EHBP1: variants seen among roughly 807,000 people sequenced by gnomAD.
The protein encoded by EHBP1 is EH domain-binding protein 1.
A neutral mutation model predicts 144.0 loss-of-function variants in EHBP1; 55 were observed. The ratio of observed to expected loss-of-function variants is 0.38; its 90% CI spans 0.31 to 0.48. The LOEUF (loss-of-function observed/expected upper bound fraction) is 0.48. Among genes scored for constraint, EHBP1 ranks in the 20% least tolerant of loss-of-function variants. The probability of loss-of-function intolerance (pLI) is 0.98; values close to 1 mark genes in which losing one functional copy is unlikely to be tolerated. For synonymous variants in EHBP1, 469 were observed against 472.7 expected (o/e 0.99, Z 0.10); for missense variants, 1,200 against 1,364.2 (o/e 0.88, Z 1.90).
chr2:62,765,338 G>T (rs146776426), intron 4 of EHBP1, among the ~76,000 whole-genome samples: 2 of 152,142 alleles, frequency 1.3e-5, no homozygotes, highest in African/African-American at 4.8e-5. Context: ...CATTATCTGT[G>T]CTTTAAAACG....
At chr2:62,957,641 C>CTTTTTTT (rs1157397512) in intron 14 of EHBP1, among the ~76,000 whole-genome samples, 2,179 of 87,188 alleles carry the variant, frequency 0.025, 244 homozygotes, top group Middle Eastern at 0.057. Context: ...AAAATAAATG[C>CTTTTTTT]TTTTTTTTTT....
intron 5 of EHBP1, among the ~76,000 whole-genome samples, chr2:62,795,517 G>GC (rs2043475116): frequency 6.6e-6 from 1 of 151,748 alleles, no homozygotes; most frequent in Non-Finnish European, 1.5e-5. Context: ...GGTTCTTAAG[G>GC]CATCAGTACA....
chr2:62,749,635 T>A (rs1044611879), intron 3 of EHBP1, among the ~76,000 whole-genome samples: 12 of 152,356 alleles, frequency 7.9e-5, no homozygotes, highest in African/African-American at 2.6e-4. Flanking sequence ...CTCCACATCC[T>A]CTCCAGCACC....
intron 5 of EHBP1, among the ~76,000 whole-genome samples, chr2:62,788,276 C>T (rs1277085245): frequency 6.6e-6 from 1 of 151,768 alleles, no homozygotes; most frequent in Non-Finnish European, 1.5e-5. Flanking sequence ...TGTATGTTTT[C>T]TCTTATTTAA....
At chr2:62,675,423 T>C (rs1296191107) in intron 1 of EHBP1, among the ~76,000 whole-genome samples, 3 of 151,974 alleles carry the variant, frequency 2.0e-5, no homozygotes, top group Non-Finnish European at 4.4e-5. Flanking sequence ...AGTCCTAGAG[T>C]ACTGCTTTTT....
In EHBP1 at chr2:62,948,915, C is replaced by T. The variant is rs200062917; in HGVS notation, c.2069C>T (p.Thr690Ile). The stretch of plus-strand genomic sequence containing the variant: ...GAGACAGATGAACAAAAGCTTCAAA[C>T]TCTAGACATCGGTAGTAACTTGGAG... Reference protein sequence around the residue: ...CEETDEQKLQTLDIGSNLEKE... With the variant: ...CEETDEQKLQILDIGSNLEKE... The change falls in exon 13 of 23, where the codon ACT becomes ATT. Residue 690 changes from threonine (T) to isoleucine (I), a missense_variant. Thr to Ile is a moderately conservative substitution (Grantham distance 89, BLOSUM62 -1). Transcript: ENST00000431489. The T allele has an allele frequency of 5.6e-5, 90 of 1,614,062 alleles. No individual in the cohort carries two copies. In the Middle Eastern group the frequency reaches 1.5e-3, roughly 27 times the overall value.
At chr2:63,028,937 G>A (rs910058403) in intron 19 of EHBP1, among the ~76,000 whole-genome samples, 1 of 152,066 alleles carries the variant, frequency 6.6e-6, no homozygotes, top group East Asian at 1.9e-4. Context: ...ATATTCTGTT[G>A]TCATTCTTTT....
chr2:62,853,562 ATAT>A (rs2048829365), intron 7 of EHBP1, among the ~76,000 whole-genome samples: 2 of 152,218 alleles, frequency 1.3e-5, no homozygotes, highest in African/African-American at 4.8e-5. Context: ...ACTCCTGTTG[ATAT>A]TGATATTTTG....
At position 62,993,889 on chromosome 2, in the gene EHBP1, C is replaced by G; in HGVS notation, c.2891C>G (p.Ser964Ter). The G allele has an allele frequency of 6.3e-7, 1 of 1,576,320 alleles. No homozygotes were observed. The highest frequency in any genetic ancestry group is 8.6e-7 in the Non-Finnish European group (1 of 1,160,322). The change falls in exon 18 of 23, where the codon TCA becomes TGA. Residue 964 changes from serine to a stop codon, truncating the protein, a stop_gained. Coordinates refer to ENST00000431489, the MANE Select transcript of EHBP1 (RefSeq NM_001142616.3). LOFTEE classifies it high-confidence loss of function. ...ENRPEMKRQRSIQEDTKKGNE... is the reference protein window; with the variant it reads ...ENRPEMKRQR ...TTTTAAGAGATGAAAAGGCAGAGAT[C>G]AATACAGGAAGATACAAAGAAAGGA...
At chr2:62,729,064 T>C (rs1368434603) in intron 2 of EHBP1, among the ~76,000 whole-genome samples, 2 of 151,674 alleles carry the variant, frequency 1.3e-5, no homozygotes, top group Non-Finnish European at 1.5e-5. Context: ...ATATATGCAC[T>C]TCTAAAAAAT....
At position 62,707,154 on chromosome 2, in the gene EHBP1, G is replaced by A; in HGVS notation, c.-38G>A. The stretch of plus-strand genomic sequence containing the variant: ...TCTGCATTATTAAAGCTGCTGTATT[G>A]CTAACCCAGAACTGCTCCAGTGTCT... On this transcript the variant is annotated 5_prime_UTR_variant, in exon 2 of 23. Transcript: ENST00000431489. 5 of 1,544,488 alleles carry A rather than the reference G, an allele frequency of 3.2e-6. No homozygotes were observed. Among genetic ancestry groups the A allele is most frequent in the Non-Finnish European group, 4.5e-6 (5 of 1,116,764 alleles).
At chr2:62,835,044 A>C (rs189260841) in intron 7 of EHBP1, among the ~76,000 whole-genome samples, 59 of 152,296 alleles carry the variant, frequency 3.9e-4, no homozygotes, top group Non-Finnish European at 2.6e-4. Flanking sequence ...TATAATTTGT[A>C]TCAGTTTGCC....
intron 19 of EHBP1, among the ~76,000 whole-genome samples, chr2:63,004,306 T>A (rs1204809147): frequency 6.6e-6 from 1 of 152,030 alleles, no homozygotes; most frequent in Admixed American, 6.6e-5. Flanking sequence ...GTTAGTCTTA[T>A]CTTCTGGGAT....
intron 5 of EHBP1, among the ~76,000 whole-genome samples, chr2:62,809,303 A>C (rs553995039): frequency 8.8e-5 from 13 of 148,090 alleles, no homozygotes; most frequent in Admixed American, 2.0e-4. Flanking sequence ...AAAAAAAAAA[A>C]AAAAAAAAAA....
intron 19 of EHBP1, among the ~76,000 whole-genome samples, chr2:63,012,995 TGAA>T (rs2060333381): frequency 6.6e-6 from 1 of 152,018 alleles, no homozygotes; most frequent in African/African-American, 2.4e-5. Flanking sequence ...GAAAAGAAAA[TGAA>T]GAAGATGATG....
intron 14 of EHBP1, among the ~76,000 whole-genome samples, chr2:62,977,173 TAA>T (rs1299604271): frequency 9.9e-5 from 14 of 141,380 alleles, no homozygotes; most frequent in Admixed American, 1.4e-4. Context: ...CCCCTAGACT[TAA>T]AAAAAAAAAA....
intron 14 of EHBP1, among the ~76,000 whole-genome samples, chr2:62,970,891 C>CT (rs1024116610): frequency 1.3e-5 from 2 of 151,964 alleles, no homozygotes; most frequent in Non-Finnish European, 2.9e-5. Context: ...ATTACTACGA[C>CT]TAAGGAGGAT....
At chr2:62,785,073 A>G (rs1216055975) in intron 5 of EHBP1, among the ~76,000 whole-genome samples, 1 of 151,898 alleles carries the variant, frequency 6.6e-6, no homozygotes. Context: ...TTATATTATG[A>G]TCTAGTATAC....
intron 8 of EHBP1, among the ~76,000 whole-genome samples, chr2:62,863,895 A>G (rs1297722012): frequency 1.8e-5 from 2 of 114,236 alleles, no homozygotes; most frequent in Admixed American, 1.4e-4. Flanking sequence ...TGCCCAGACT[A>G]TAGTTCAGTG....
Sources: allele counts gnomAD v4.1 joint callset (sites outside exome capture counted in the v4.1 genomes callset), GRCh38; gene constraint gnomAD v4.1.1; transcripts MANE v1.5; gene names NCBI Gene and HGNC (gene_info 2026-07-23, HGNC 2026-07-21).